The following CNKSR3 variants were observed in gnomAD, a reference collection of about 807,000 sequenced individuals.
CNKSR3 encodes the protein connector enhancer of kinase suppressor of ras 3.
Under a neutral mutation model 67.7 loss-of-function variants are expected in CNKSR3, and 36 were observed. The observed-to-expected ratio is 0.53, with a 90% CI of 0.41 to 0.70. The LOEUF is 0.70. Ranked by LOEUF, CNKSR3 falls within the 30% of genes least tolerant of loss-of-function variation. The pLI is 0.00. For synonymous variants in CNKSR3, 281 were observed against 271.4 expected (o/e 1.04, Z -0.35); for missense variants, 630 against 695.2 (o/e 0.91, Z 1.05).
intron 1 of CNKSR3, among the ~76,000 whole-genome samples, chr6:154,461,846 G>A (rs1786085007): frequency 6.6e-6 from 1 of 152,238 alleles, no homozygotes; most frequent in African/African-American, 2.4e-5. Flanking sequence ...AGGAGAGCAT[G>A]AACCCAGCAT....
At chr6:154,445,933 T>C (rs1230230879) in intron 2 of CNKSR3, among the ~76,000 whole-genome samples, 1 of 152,214 alleles carries the variant, frequency 6.6e-6, no homozygotes, top group East Asian at 1.9e-4. Context: ...AAAGAACCTC[T>C]ACTGTAGAAG....
intron 1 of CNKSR3, among the ~76,000 whole-genome samples, chr6:154,479,397 A>T (rs907356768): frequency 6.6e-6 from 1 of 152,164 alleles, no homozygotes; most frequent in Admixed American, 6.5e-5. Flanking sequence ...CATAAAGACC[A>T]GCCCAAGCCA....
chr6:154,409,880 C>CAAA (rs1374490121), intron 12 of CNKSR3, among the ~76,000 whole-genome samples: 6 of 90,490 alleles, frequency 6.6e-5, no homozygotes, highest in African/African-American at 2.9e-4. Context: ...TCTGTCTCTA[C>CAAA]CAAAAAAAAA....
intron 1 of CNKSR3, among the ~76,000 whole-genome samples, chr6:154,507,935 A>G (rs1379502138): frequency 1.3e-5 from 2 of 152,116 alleles, no homozygotes; most frequent in Non-Finnish European, 2.9e-5. Context: ...TCCTTTTCCA[A>G]TCCCAAGAGG....
At chr6:154,504,228 T>G (rs1415781066) in intron 1 of CNKSR3, among the ~76,000 whole-genome samples, 10 of 152,178 alleles carry the variant, frequency 6.6e-5, no homozygotes, top group Admixed American at 6.5e-4. Flanking sequence ...GCAAGAGGCA[T>G]TTATCACTCC....
Position 154,428,191 on chromosome 6 carries a change from G to T in CNKSR3, c.670-4C>A. On this transcript the variant is annotated splice_region_variant and splice_polypyrimidine_tract_variant and intron_variant, in intron 6 of 12. Transcript: ENST00000607772. ...AGGTTGATTTGATGTACATGCCCTG[G>T]AGTGAATCACAAATAGATTAACTCA... 1 of 1,598,990 alleles carries T rather than the reference G, an allele frequency of 6.3e-7. No homozygotes were observed. The highest frequency in any genetic ancestry group is 8.6e-7 in the Non-Finnish European group (1 of 1,166,324).
intron 5 of CNKSR3, 140 bp from the exon 6 acceptor site, chr6:154,430,731 C>A: frequency 1.3e-6 from 1 of 758,808 alleles, no homozygotes; most frequent in Non-Finnish European, 2.1e-6. Context: ...TCAGTGAATG[C>A]ATGGCATTTA....
At chr6:154,487,493 T>G (rs1208877703) in intron 1 of CNKSR3, among the ~76,000 whole-genome samples, 1 of 152,282 alleles carries the variant, frequency 6.6e-6, no homozygotes, top group Admixed American at 6.5e-5. Flanking sequence ...GGATCCAAAC[T>G]TGGGCAGCTC....
chr6:154,426,648 C>T (rs541422169), intron 7 of CNKSR3, among the ~76,000 whole-genome samples: 10 of 152,282 alleles, frequency 6.6e-5, no homozygotes, highest in Admixed American at 2.0e-4. Context: ...AGCCACCGCA[C>T]CCGGCCCGTC....
chr6:154,463,113 CTTT>C (rs774013751), intron 1 of CNKSR3, among the ~76,000 whole-genome samples: 6 of 140,092 alleles, frequency 4.3e-5, no homozygotes, highest in Non-Finnish European at 4.7e-5. Context: ...TTTTTCTTTC[CTTT>C]TTTTTTTTTT....
At position 154,411,074 on chromosome 6, in the gene CNKSR3, C is replaced by T. The variant is rs144163646; in HGVS notation, c.1139G>A (p.Gly380Asp). The change falls in exon 11 of 13, where the codon GGT becomes GAT. Residue 380 changes from glycine to aspartate, a missense_variant. Coordinates refer to ENST00000607772, the MANE Select transcript of CNKSR3 (RefSeq NM_173515.4). ...KCKQPLPGPK[G>D]SESPNSFLDQ... ...CAAGAAGGAATTCGGGGACTCTGAA[C>T]CCTTAGGACCAGGCAATGGTTGTTT... The T allele has an allele frequency of 3.8e-5, 62 of 1,613,978 alleles. 1 individual carries two copies. In the South Asian group the frequency reaches 4.7e-4, roughly 12 times the overall value.
At chr6:154,494,231 CAAG>C (rs1186728592) in intron 1 of CNKSR3, among the ~76,000 whole-genome samples, 2 of 152,056 alleles carry the variant, frequency 1.3e-5, no homozygotes, top group Non-Finnish European at 2.9e-5. Context: ...CATATTAGGT[CAAG>C]AAGAAGAATA....
Position 154,451,406 on chromosome 6 carries a change from G to C in CNKSR3, c.53-1148C>G, listed in dbSNP as rs574899720. On this transcript the variant is annotated intron_variant, in intron 1 of 12. Coordinates refer to ENST00000607772, the MANE Select transcript of CNKSR3 (RefSeq NM_173515.4). ...TATATAAACTCAATCCTAACACAAA[G>C]AGTGAACACTCAATTTAACGGGAAA... is the stretch of plus-strand genomic sequence containing the variant. Among the ~76,000 whole-genome samples the C allele has an allele frequency of 1.1e-4, 17 of 152,278 alleles. No individual in the cohort carries two copies. In the South Asian group the frequency reaches 3.1e-3, roughly 28 times the overall value.
intron 7 of CNKSR3, among the ~76,000 whole-genome samples, chr6:154,425,532 G>A (rs778082049): frequency 6.6e-6 from 1 of 152,224 alleles, no homozygotes; most frequent in African/African-American, 2.4e-5. Flanking sequence ...ATGACCTAGA[G>A]AATAATGCAC....
chr6:154,415,903 A>G (rs551008573), intron 9 of CNKSR3, among the ~76,000 whole-genome samples: 1 of 152,348 alleles, frequency 6.6e-6, no homozygotes, highest in South Asian at 2.1e-4. Flanking sequence ...GGTAAAGAAC[A>G]GCAAGGAAAT....
At position 154,392,438 on chromosome 6, in the gene CNKSR3, CACCCTAGAG is replaced by C. The variant is rs1159615324; in HGVS notation, c.*13907_*13915del. On this transcript the variant is annotated 3_prime_UTR_variant, in exon 13 of 13. Transcript: ENST00000607772. ...ATGGCCAAACAGCACACATAACAGG[CACCCTAGAG>C]ACCCTCTGCTGGGGATGCCTTGAGA... 1 of 152,250 alleles carries C rather than the reference CACCCTAGAG, an allele frequency of 6.6e-6. No homozygotes were observed. The highest frequency in any genetic ancestry group is 2.4e-5 in the African/African-American group (1 of 41,466). 9.4% of individuals were successfully genotyped at this position (152,250 alleles called of 1,614,324 possible).
At chr6:154,458,965 T>A (rs1786018330) in intron 1 of CNKSR3, among the ~76,000 whole-genome samples, 1 of 151,924 alleles carries the variant, frequency 6.6e-6, no homozygotes, top group South Asian at 2.1e-4. Context: ...ACTCAGAAGT[T>A]ACCTTTACTT....
In CNKSR3 at chr6:154,442,211, A is replaced by G; in HGVS notation, c.296T>C (p.Ile99Thr). ...AGCGGGACTTTTCCGTCGGCTACTT[A>G]TGTAATTCTGTAAATTGTGGGAAGA... ...RASSHNLQNY[I>T]SSRRKSPAYD... Residue 99 changes from isoleucine to threonine, a missense_variant, in exon 3 of 13, where the codon ATA becomes ACA. Ile to Thr is a moderately conservative substitution (Grantham distance 89). Transcript: ENST00000607772. 2 of 1,614,206 alleles carry G rather than the reference A, an allele frequency of 1.2e-6. No individual in the cohort carries two copies. Among genetic ancestry groups the G allele is most frequent in the Non-Finnish European group, 1.7e-6 (2 of 1,180,034 alleles).
At chr6:154,471,177 C>T (rs1786323171) in intron 1 of CNKSR3, among the ~76,000 whole-genome samples, 1 of 152,182 alleles carries the variant, frequency 6.6e-6, no homozygotes, top group Non-Finnish European at 1.5e-5. Flanking sequence ...GTCATTTCTA[C>T]TTATTTACTT....
Sources: allele counts gnomAD v4.1 joint callset (sites outside exome capture counted in the v4.1 genomes callset), GRCh38; gene constraint gnomAD v4.1.1; transcripts MANE v1.5; gene names NCBI Gene and HGNC (gene_info 2026-07-23, HGNC 2026-07-21).